The following MED27 variants were observed in gnomAD, a reference collection of about 807,000 sequenced individuals.
MED27 encodes mediator complex subunit 27, also known as mediator of RNA polymerase II transcription subunit 27.
A neutral mutation model predicts 38.2 loss-of-function variants in MED27; 30 were observed. That is an observed-to-expected ratio of 0.79 (90% CI 0.59 to 1.07). The LOEUF is 1.07. MED27 is among the 50% of genes least tolerant of loss of function. MED27 has a pLI of 0.00. For missense variants in MED27, 289 were observed against 397.5 expected (o/e 0.73, Z 2.32); for synonymous variants, 122 against 153.5 (o/e 0.79, Z 1.52).
intron 2 of MED27, among the ~76,000 whole-genome samples, chr9:132,017,320 A>T (rs1170215776): frequency 6.6e-6 from 1 of 152,224 alleles, no homozygotes; most frequent in Admixed American, 6.5e-5. Flanking sequence ...GTTCAGAGTG[A>T]ATCTACAAAT....
chr9:131,991,995 A>G (rs1016164404), intron 3 of MED27, among the ~76,000 whole-genome samples: 4 of 152,210 alleles, frequency 2.6e-5, no homozygotes, highest in Non-Finnish European at 5.9e-5. Flanking sequence ...TGCTGGGATT[A>G]GAGACGTGAG....
intron 3 of MED27, among the ~76,000 whole-genome samples, chr9:131,964,510 G>A (rs963419702): frequency 2.0e-5 from 3 of 151,928 alleles, no homozygotes; most frequent in Non-Finnish European, 4.4e-5. Flanking sequence ...GATGGTCAAT[G>A]AAAATTTCAG....
chr9:131,928,468 A>G (rs4740334), intron 4 of MED27, among the ~76,000 whole-genome samples: 46,555 of 152,132 alleles, frequency 0.31, 7,233 homozygotes, highest in East Asian at 0.36. Context: ...CATTGAAAAG[A>G]GGAGGAAAGA....
intron 2 of MED27, among the ~76,000 whole-genome samples, chr9:132,047,441 GACACACAC>G (rs56144736): frequency 2.4e-4 from 35 of 145,266 alleles, no homozygotes; most frequent in South Asian, 1.1e-3. Flanking sequence ...TAATGTTTTA[GACACACAC>G]ACACACACAC....
At chr9:131,891,416 A>G (rs1839227207) in intron 5 of MED27, among the ~76,000 whole-genome samples, 3 of 152,258 alleles carry the variant, frequency 2.0e-5, no homozygotes. Context: ...ATATTCTACA[A>G]AATGGCAATG....
intron 3 of MED27, among the ~76,000 whole-genome samples, chr9:131,958,542 G>A (rs755529378): frequency 1.1e-4 from 16 of 152,164 alleles, no homozygotes; most frequent in Admixed American, 3.9e-4. Flanking sequence ...CACTGCACCC[G>A]GCCAAATTAA....
rs1031569175 is a variant in MED27, at chr9:132,028,009, T to C, written c.349-13542A>G. Among the ~76,000 whole-genome samples the C allele has an allele frequency of 1.8e-4, 27 of 152,224 alleles. 1 individual carries two copies. Among genetic ancestry groups the C allele is most frequent in the African/African-American group, 6.0e-4 (25 of 41,522 alleles). ...TCTCTGATCTGAGCAACCACAGCCA[T>C]AGTAGAGTCACAGGGCACACACACA... On this transcript the variant is annotated intron_variant, in intron 2 of 7. Transcript: ENST00000292035.
rs1838671113 is a variant in MED27, at chr9:131,862,629, A to T, written c.801+434T>A. Among the ~76,000 whole-genome samples the T allele has an allele frequency of 1.3e-5, 2 of 152,106 alleles. No homozygotes were observed. On this transcript the variant is annotated intron_variant, in intron 7 of 7. Coordinates refer to ENST00000292035, the MANE Select transcript of MED27 (RefSeq NM_004269.4). This position sits in a 1 kb window ranked among gnomAD's most constrained non-coding sequence, Gnocchi z 4.6. Reference sequence around the variant, plus strand: ...TGGCAGGAGCCGGCTGCAGCACCCCATTGGAATGGCTGCTTTGGGGCTGCT... The same window carrying T: ...TGGCAGGAGCCGGCTGCAGCACCCCTTTGGAATGGCTGCTTTGGGGCTGCT...
At chr9:131,920,521 T>G (rs1440935966) in intron 4 of MED27, among the ~76,000 whole-genome samples, 1 of 151,978 alleles carries the variant, frequency 6.6e-6, no homozygotes, top group Non-Finnish European at 1.5e-5. Flanking sequence ...GAGACAAACA[T>G]CTCTCCTGTG....
At chr9:131,886,773 C>T (rs563743800) in intron 5 of MED27, among the ~76,000 whole-genome samples, 3 of 152,260 alleles carry the variant, frequency 2.0e-5, no homozygotes, top group Non-Finnish European at 4.4e-5. Flanking sequence ...GAGGATAAAT[C>T]GGGTTCGTAT....
At chr9:131,916,433 G>C (rs1026199196) in intron 4 of MED27, among the ~76,000 whole-genome samples, 2 of 152,202 alleles carry the variant, frequency 1.3e-5, no homozygotes, top group African/African-American at 4.8e-5. Context: ...TATGGGTCAG[G>C]AAGAGAAACA....
intron 4 of MED27, among the ~76,000 whole-genome samples, chr9:131,905,570 T>A (rs1358020730): frequency 6.6e-6 from 1 of 151,914 alleles, no homozygotes; most frequent in Non-Finnish European, 1.5e-5. Context: ...CGGTGGCTCA[T>A]GCCTGTAATC....
chr9:131,876,995 C>A (rs1441507772), intron 6 of MED27, among the ~76,000 whole-genome samples: 1 of 152,170 alleles, frequency 6.6e-6, no homozygotes, highest in East Asian at 1.9e-4. Flanking sequence ...AGTTAATCAC[C>A]ATTTAAGAGG....
chr9:131,998,925 T>C (rs77903341), intron 3 of MED27, among the ~76,000 whole-genome samples: 1 of 151,924 alleles, frequency 6.6e-6, no homozygotes, highest in Non-Finnish European at 1.5e-5. Context: ...AAAAAAAAAA[T>C]CTAAATCTAT....
chr9:132,050,370 G>T (rs1295261683), intron 2 of MED27, among the ~76,000 whole-genome samples: 1 of 152,156 alleles, frequency 6.6e-6, no homozygotes, highest in Admixed American at 6.6e-5. Flanking sequence ...TCCAGGTGCC[G>T]GGCTAAGGAG....
intron 6 of MED27, among the ~76,000 whole-genome samples, chr9:131,867,655 G>C (rs953022037): frequency 1.3e-5 from 2 of 152,238 alleles, no homozygotes; most frequent in African/African-American, 4.8e-5. Flanking sequence ...CACCATCTAG[G>C]AGTTGGTTAG....
At chr9:132,004,304 A>T (rs1176862316) in intron 3 of MED27, among the ~76,000 whole-genome samples, 1 of 152,226 alleles carries the variant, frequency 6.6e-6, no homozygotes, top group Admixed American at 6.5e-5. Flanking sequence ...TATTCTCCAT[A>T]GACAGATTTT....
chr9:131,958,107 AACATAAAAT>A (rs1460503731), intron 3 of MED27, among the ~76,000 whole-genome samples: 1 of 152,124 alleles, frequency 6.6e-6, no homozygotes, highest in African/African-American at 2.4e-5. Context: ...TACATTCATA[AACATAAAAT>A]ACATAAAACT....
At chr9:131,904,072 G>A (rs912216121) in intron 4 of MED27, among the ~76,000 whole-genome samples, 2 of 151,970 alleles carry the variant, frequency 1.3e-5, no homozygotes, top group African/African-American at 4.8e-5. Context: ...GCTAATTTTT[G>A]TATTTTTAGT....
Sources: gnomAD v4.1 joint callset for allele counts (sites outside exome capture counted in the v4.1 genomes callset) on GRCh38, gnomAD v4.1.1 for gene constraint, Gnocchi (gnomAD v3.1) non-coding constraint, MANE v1.5 for transcripts, NCBI Gene and HGNC (gene_info 2026-07-23, HGNC 2026-07-21) for gene names.